Variants in TCF4 observed in about 807,000 individuals in gnomAD.
TCF4 encodes the protein transcription factor 4, also known as SL3-3 enhancer factor 2.
Under a neutral mutation model 82.1 loss-of-function variants are expected in TCF4, and 3 were observed. The observed-to-expected ratio is 0.04, with a 90% CI of 0.02 to 0.09. TCF4 has a LOEUF of 0.09. Among genes scored for constraint, TCF4 ranks in the 10% least tolerant of loss-of-function variants. The probability of loss-of-function intolerance (pLI) is 1.00; values close to 1 mark genes in which losing one functional copy is unlikely to be tolerated. For synonymous variants in TCF4, 276 were observed against 309.6 expected (o/e 0.89, Z 1.14); for missense variants, 518 against 852.7 (o/e 0.61, Z 4.89).
intron 1 of TCF4, 50 bp downstream of exon 1, chr18:55,587,988 C>T (rs1321451290): frequency 1.0e-6 from 1 of 961,530 alleles, no homozygotes; most frequent in Non-Finnish European, 1.2e-6. Flanking sequence ...CCGAACCCCG[C>T]GCCGCCGGGC....
At chr18:55,617,776 G>T (rs1259083165) in intron 2 of TCF4, among the ~76,000 whole-genome samples, 1 of 149,530 alleles carries the variant, frequency 6.7e-6, no homozygotes, top group African/African-American at 2.5e-5. Flanking sequence ...TGCTGCTTTT[G>T]TATCCTGAAA....
At chr18:55,350,623 A>C (rs957393251) in intron 7 of TCF4, among the ~76,000 whole-genome samples, 4 of 152,234 alleles carry the variant, frequency 2.6e-5, no homozygotes, top group South Asian at 2.1e-4. Context: ...TTGATCTTTT[A>C]ATAGCTTCCT....
At position 55,227,502 on chromosome 18, in the gene TCF4, T is replaced by C. The variant is rs2046747569; in HGVS notation, c.*533A>G. On this transcript the variant is annotated 3_prime_UTR_variant, in exon 20 of 20. Transcript: ENST00000354452. ...TCATCAGGACGTTTGCTGGTTTTGT[T>C]ACTAGGGCAGCCGAGCTTCCCCTAA... The C allele has an allele frequency of 6.6e-6, 1 of 152,248 alleles. No individual in the cohort carries two copies. Among genetic ancestry groups the C allele is most frequent in the Non-Finnish European group, 1.5e-5 (1 of 67,986 alleles). The allele number at this position is 152,248 out of a possible 1,614,324, so 9.4% of individuals were successfully genotyped here. A position where few individuals can be genotyped will look rare whatever the true frequency, so the allele number is the denominator to read the frequency against.
intron 5 of TCF4, among the ~76,000 whole-genome samples, chr18:55,442,203 T>C (rs1425762407): frequency 6.6e-6 from 1 of 152,192 alleles, no homozygotes; most frequent in Non-Finnish European, 1.5e-5. Context: ...TCTTGGCTAT[T>C]GGGTCATTTT....
At chr18:55,365,939 T>C (rs1446838684) in intron 6 of TCF4, among the ~76,000 whole-genome samples, 1 of 151,786 alleles carries the variant, frequency 6.6e-6, no homozygotes, top group Non-Finnish European at 1.5e-5. Context: ...ACTATTTTTG[T>C]GTGGGACGAG....
chr18:55,455,400 A>C (rs2095724920), intron 5 of TCF4, among the ~76,000 whole-genome samples: 1 of 151,904 alleles, frequency 6.6e-6, no homozygotes, highest in Non-Finnish European at 1.5e-5. Flanking sequence ...AAGAAATGAA[A>C]ATTCCCAAAG....
At chr18:55,631,129 A>G (rs565442698) in intron 2 of TCF4, among the ~76,000 whole-genome samples, 1 of 150,402 alleles carries the variant, frequency 6.6e-6, no homozygotes, top group Admixed American at 6.6e-5. Flanking sequence ...GACTCACTGC[A>G]ACCTCTGCCT....
chr18:55,551,364 C>G (rs1050749918), intron 3 of TCF4: 2 of 152,234 alleles, frequency 1.3e-5, no homozygotes, highest in African/African-American at 2.4e-5. Context: ...TTTACACGGA[C>G]TAGCTTATTT....
intron 6 of TCF4, among the ~76,000 whole-genome samples, chr18:55,368,032 C>T (rs555856613): frequency 1.2e-3 from 184 of 152,270 alleles, no homozygotes; most frequent in African/African-American, 4.3e-3. Context: ...AAATGAATGG[C>T]CACATACTAC....
At chr18:55,580,373 A>G (rs1022544941) in intron 3 of TCF4, among the ~76,000 whole-genome samples, 2 of 151,960 alleles carry the variant, frequency 1.3e-5, no homozygotes, top group African/African-American at 4.8e-5. Flanking sequence ...ATATTAATAC[A>G]TCAGGCTTGG....
At chr18:55,419,554 A>C (rs1338127476) in intron 5 of TCF4, among the ~76,000 whole-genome samples, 2 of 152,182 alleles carry the variant, frequency 1.3e-5, no homozygotes. Context: ...TAGGGTTTTT[A>C]AATATACAGA....
chr18:55,481,536 C>T (rs2096432015), intron 3 of TCF4, among the ~76,000 whole-genome samples: 1 of 152,194 alleles, frequency 6.6e-6, no homozygotes, highest in African/African-American at 2.4e-5. Flanking sequence ...AACCAGGATG[C>T]TTACAAAAGT....
chr18:55,481,671 G>A (rs568953031), intron 3 of TCF4, among the ~76,000 whole-genome samples: 4 of 152,112 alleles, frequency 2.6e-5, no homozygotes, highest in Non-Finnish European at 5.9e-5. Flanking sequence ...TTTTCTACTC[G>A]GCTTCATTTT....
chr18:55,392,653 C>G (rs756107535), intron 6 of TCF4, among the ~76,000 whole-genome samples: 4 of 152,058 alleles, frequency 2.6e-5, no homozygotes, highest in African/African-American at 4.8e-5. Context: ...CTCCCTCGGT[C>G]CAGTTATACA....
chr18:55,341,616 A>G (rs2033900289), intron 8 of TCF4, among the ~76,000 whole-genome samples: 1 of 152,090 alleles, frequency 6.6e-6, no homozygotes, highest in South Asian at 2.1e-4. Context: ...TGTTTTTTCT[A>G]CCTTGCTACA....
In TCF4 at chr18:55,350,345, C is replaced by A. The variant is rs759068644; in HGVS notation, c.549+14G>T. On this transcript the variant is annotated intron_variant, in intron 8 of 19. Transcript: ENST00000354452. ...AAATAAGCAATATACAAAGCAGAAA[C>A]AAGCAGTACTTACTGAAGATGGCAA... 1 of 1,612,974 alleles carries A rather than the reference C, an allele frequency of 6.2e-7. No homozygotes were observed. The highest frequency in any genetic ancestry group is 8.5e-7 in the Non-Finnish European group (1 of 1,179,118).
intron 8 of TCF4, chr18:55,331,951 A>C (rs1411143108): frequency 6.6e-6 from 1 of 152,208 alleles, no homozygotes; most frequent in Admixed American, 6.5e-5. Flanking sequence ...CTACTCTCTC[A>C]ATACAATAAC....
chr18:55,527,967 G>A (rs186208053), intron 3 of TCF4, among the ~76,000 whole-genome samples: 4 of 152,272 alleles, frequency 2.6e-5, no homozygotes, highest in Admixed American at 1.3e-4. Context: ...AGAAAAAGAA[G>A]CCAGAGCTAA....
At chr18:55,407,091 G>A (rs2094130556) in intron 5 of TCF4, among the ~76,000 whole-genome samples, 1 of 151,998 alleles carries the variant, frequency 6.6e-6, no homozygotes, top group South Asian at 2.1e-4. Context: ...CGGGGGGCGG[G>A]GGGAGATTCT....
Sources: allele counts gnomAD v4.1 joint callset (sites outside exome capture counted in the v4.1 genomes callset), GRCh38; gene constraint gnomAD v4.1.1; transcripts MANE v1.5; gene names NCBI Gene and HGNC (gene_info 2026-07-23, HGNC 2026-07-21).